The following EMID1 variants were observed in gnomAD, a reference collection of about 807,000 sequenced individuals.
EMID1 encodes EMI domain containing 1.
In EMID1, 40 loss-of-function variants were observed where a neutral mutation model predicts 60.6. That is an observed-to-expected ratio of 0.66 (90% confidence interval 0.51 to 0.86). The LOEUF (loss-of-function observed/expected upper bound fraction) is 0.86. EMID1 is among the 40% of genes least tolerant of loss of function. The pLI is 0.00. For synonymous variants in EMID1, 242 were observed against 231.0 expected, an observed-to-expected ratio of 1.05 and a Z score of -0.43; for missense variants, 585 against 597.1, an observed-to-expected ratio of 0.98 and a Z score of 0.21.
rs1478124045 is a variant in EMID1, at chr22:29,231,594, C to A, written c.588C>A (p.Asp196Glu). Residue 196 changes from aspartate (D) to glutamate (E), a missense_variant and splice_region_variant, in exon 7 of 15, where the codon GAC becomes GAA. By Grantham distance (45) the Asp-to-Glu change is conservative. Coordinates refer to ENST00000334018, the MANE Select transcript of EMID1 (RefSeq NM_133455.4). ...QGSPGDGGLQDQVGAWGLPGP... is the reference protein window; with the variant it reads ...QGSPGDGGLQEQVGAWGLPGP... ...AGTCTGATATGCTTTACCCCCCAGA[C>A]CAAGTCGGTGCTTGGGGGCTTCCCG... 1 of 1,542,996 alleles carries A rather than the reference C, an allele frequency of 6.5e-7. No homozygotes were observed. The highest frequency in any genetic ancestry group is 1.4e-5 in the African/African-American group (1 of 73,058).
At chr22:29,233,156 C>T (rs2146306164) in intron 8 of EMID1, 2 of 587,598 alleles carry the variant, frequency 3.4e-6, no homozygotes, top group Non-Finnish European at 6.1e-6. Context: ...TGGATGTCAC[C>T]AGCTGGATTG....
chr22:29,233,267 T>C (rs976447185), intron 8 of EMID1, 112 bp from the exon 9 acceptor site: 2 of 1,112,044 alleles, frequency 1.8e-6, no homozygotes, highest in Admixed American at 3.6e-5. Context: ...GTACCAGCCA[T>C]GCTGCAGGCT....
At chr22:29,212,250 G>A (rs562223728) in intron 1 of EMID1, among the ~76,000 whole-genome samples, 4 of 152,088 alleles carry the variant, frequency 2.6e-5, no homozygotes, top group African/African-American at 7.2e-5. Context: ...GCCTGCCAAC[G>A]TGCTGGGATT....
At chr22:29,238,513 G>A (rs5752883) in intron 12 of EMID1, among the ~76,000 whole-genome samples, 10,522 of 141,780 alleles carry the variant, frequency 0.074, 1,385 homozygotes, top group East Asian at 0.23. Flanking sequence ...CGCTTCCTGG[G>A]TTCAAGCGAT....
intron 1 of EMID1, among the ~76,000 whole-genome samples, chr22:29,210,009 T>TGTGGAG (rs1249206624): frequency 2.6e-5 from 4 of 151,744 alleles, no homozygotes; most frequent in African/African-American, 9.7e-5. Context: ...GCTGGGACCC[T>TGTGGAG]GTGGAGGAGC....
chr22:29,229,957 T>C (rs78858203), intron 5 of EMID1, among the ~76,000 whole-genome samples: 1,950 of 152,316 alleles, frequency 0.013, 21 homozygotes, highest in Non-Finnish European at 0.02. Context: ...CCCAGAGTCT[T>C]CCTCACCATG....
intron 3 of EMID1, among the ~76,000 whole-genome samples, chr22:29,217,012 G>A (rs112521948): frequency 0.012 from 1,776 of 152,330 alleles, 34 homozygotes; most frequent in African/African-American, 0.041. Context: ...GGCAGGTGGG[G>A]CCGAGGGGCA....
intron 12 of EMID1, among the ~76,000 whole-genome samples, chr22:29,237,031 G>C (rs2040975379): frequency 6.6e-6 from 1 of 151,718 alleles, no homozygotes; most frequent in South Asian, 2.1e-4. Context: ...TTCTAACTTT[G>C]TGATCTACCG....
rs533387401 is a variant in EMID1 at position 29,207,007 on chromosome 22, G to A, written c.101+868G>A. 7.2e-5 allele frequency among the ~76,000 whole-genome samples: 11 copies of A among 152,344 alleles called. No individual in the cohort carries two copies. In the East Asian group the frequency reaches 1.2e-3, roughly 16 times the overall value. On this transcript the variant is annotated intron_variant, in intron 1 of 14. Coordinates refer to ENST00000334018, the MANE Select transcript of EMID1 (RefSeq NM_133455.4). ...GAGGGTCCCCTCCTAAAGGCCAGCC[G>A]CCGTTGTCCAAGGCAGACAATGTGG...
chr22:29,246,040 G>A (rs1043037939), intron 13 of EMID1, among the ~76,000 whole-genome samples: 3 of 152,320 alleles, frequency 2.0e-5, no homozygotes, highest in Non-Finnish European at 2.9e-5. Context: ...GCAGCTACAG[G>A]ACTGTCAACT....
chr22:29,224,823 C>T (rs971821220), intron 3 of EMID1, among the ~76,000 whole-genome samples: 1 of 152,212 alleles, frequency 6.6e-6, no homozygotes, highest in Non-Finnish European at 1.5e-5. Flanking sequence ...TGTCAGGGCT[C>T]GGACCCAGGC....
intron 3 of EMID1, among the ~76,000 whole-genome samples, chr22:29,218,953 C>G (rs528330381): frequency 6.6e-6 from 1 of 152,198 alleles, no homozygotes; most frequent in South Asian, 2.1e-4. Flanking sequence ...GTGGCATCCC[C>G]CTGCCCCAGA....
At chr22:29,231,515 G>T (rs779427350) in intron 6 of EMID1, 78 bp from the exon 7 acceptor site, 3 of 1,441,492 alleles carry the variant, frequency 2.1e-6, no homozygotes, top group South Asian at 2.4e-5. Flanking sequence ...AATGGTAGAT[G>T]CTGGTTGGGG....
chr22:29,251,382 AT>A (rs59254675), intron 13 of EMID1, among the ~76,000 whole-genome samples: 121,157 of 143,446 alleles, frequency 0.84, 51,296 homozygotes, highest in East Asian at 0.95. Flanking sequence ...GCATCTGGCC[AT>A]TTTTTTTTTT....
chr22:29,257,364 G>C (rs757309377), intron 14 of EMID1, among the ~76,000 whole-genome samples: 7 of 152,186 alleles, frequency 4.6e-5, no homozygotes, highest in Non-Finnish European at 1.0e-4. Context: ...GCCCACCTGG[G>C]CTGGATTGAT....
intron 14 of EMID1, chr22:29,255,292 C>T: frequency 6.6e-7 from 1 of 1,512,956 alleles, no homozygotes; most frequent in Non-Finnish European, 8.9e-7. Flanking sequence ...ACAGAGCTTC[C>T]TGCAGCAGCA....
intron 3 of EMID1, among the ~76,000 whole-genome samples, chr22:29,221,320 G>A (rs929824683): frequency 6.6e-6 from 1 of 152,002 alleles, no homozygotes; most frequent in Non-Finnish European, 1.5e-5. Context: ...CCTGTTTCAG[G>A]GCCTTTGACC....
chr22:29,238,715 G>A (rs5763081), intron 12 of EMID1, among the ~76,000 whole-genome samples: 43,797 of 133,060 alleles, frequency 0.33, 10,296 homozygotes, highest in East Asian at 0.66. Context: ...CACCGTGCCC[G>A]GCCATTTTTT....
At chr22:29,221,533 C>A (rs966842391) in intron 3 of EMID1, among the ~76,000 whole-genome samples, 14 of 152,154 alleles carry the variant, frequency 9.2e-5, no homozygotes, top group Non-Finnish European at 1.6e-4. Flanking sequence ...TGCCACCACA[C>A]CTGGCTAATT....
Sources: allele counts gnomAD v4.1 joint callset (sites outside exome capture counted in the v4.1 genomes callset), GRCh38; gene constraint gnomAD v4.1.1; transcripts MANE v1.5; gene names NCBI Gene and HGNC (gene_info 2026-07-23, HGNC 2026-07-21).